The following ADAMTS17 variants were observed in gnomAD, a reference collection of about 807,000 sequenced individuals.
ADAMTS17 encodes the protein A disintegrin and metalloproteinase with thrombospondin motifs 17.
ADAMTS17 carries 113 observed loss-of-function variants against 141.5 expected under a neutral mutation model. The ratio of observed to expected loss-of-function variants is 0.80; its 90% CI spans 0.69 to 0.93. The LOEUF (loss-of-function observed/expected upper bound fraction) is 0.93. Among genes scored for constraint, ADAMTS17 ranks in the 40% least tolerant of loss-of-function variants. The pLI is 0.00. For missense variants in ADAMTS17, 1,659 were observed against 1,517.9 expected (o/e 1.09, Z -1.54); for synonymous variants, 768 against 630.6 (o/e 1.22, Z -3.27).
chr15:100,315,206 C>A (rs1288773678), intron 3 of ADAMTS17, among the ~76,000 whole-genome samples: 1 of 152,204 alleles, frequency 6.6e-6, no homozygotes, highest in African/African-American at 2.4e-5. Flanking sequence ...TCCTCTGCCC[C>A]AGGTATCCAC....
intron 7 of ADAMTS17, among the ~76,000 whole-genome samples, chr15:100,217,470 G>A (rs942558492): frequency 2.6e-5 from 4 of 152,226 alleles, no homozygotes; most frequent in African/African-American, 7.2e-5. Flanking sequence ...GTGGTGGTGG[G>A]TGCCTATATT....
intron 8 of ADAMTS17, among the ~76,000 whole-genome samples, chr15:100,188,170 G>T (rs986057030): frequency 2.0e-5 from 3 of 152,024 alleles, no homozygotes; most frequent in African/African-American, 7.2e-5. Context: ...TCCACCTCCC[G>T]GGTTTAAGGG....
intron 8 of ADAMTS17, among the ~76,000 whole-genome samples, chr15:100,197,396 T>G (rs1018196189): frequency 6.6e-6 from 1 of 152,226 alleles, no homozygotes; most frequent in African/African-American, 2.4e-5. Context: ...AATTGATTCT[T>G]AGGTACTACG....
At chr15:100,073,289 A>G (rs927188458) in intron 15 of ADAMTS17, among the ~76,000 whole-genome samples, 20 of 152,232 alleles carry the variant, frequency 1.3e-4, no homozygotes, top group African/African-American at 4.8e-4. Context: ...ATGTGGAGAA[A>G]TAGGAACACT....
At chr15:100,217,660 G>A (rs1184904919) in intron 7 of ADAMTS17, among the ~76,000 whole-genome samples, 1 of 152,128 alleles carries the variant, frequency 6.6e-6, no homozygotes, top group African/African-American at 2.4e-5. Context: ...GATTTCATAG[G>A]TATGATACCA....
intron 10 of ADAMTS17, among the ~76,000 whole-genome samples, chr15:100,136,257 C>A (rs1042267856): frequency 6.7e-6 from 1 of 148,706 alleles, no homozygotes; most frequent in Non-Finnish European, 1.5e-5. Flanking sequence ...TACAGTTTAA[C>A]AACAATGTTG....
rs1188528322 is a variant in ADAMTS17, at chr15:100,341,295, G to A, written c.194C>T (p.Pro65Leu). The change falls in exon 2 of 22, where the codon CCC (proline) becomes CTC (leucine). Residue 65 changes from proline (P) to leucine (L), a missense_variant. Physicochemically the swap from Pro to Leu is moderately conservative, Grantham distance 98 (BLOSUM62 -3). Transcript: ENST00000268070. ...AAPGPRRRRR[P>L]RTPPAAPRAR... ...GCGCGGGGCGGCTGGGGGCGTGCGG[G>A]GGCGTCGCCGCCGTCGGGGCCCGGG... 23 of 1,106,816 alleles carry A rather than the reference G, an allele frequency of 2.1e-5. No homozygotes were observed. The highest frequency in any genetic ancestry group is 2.4e-5 in the Non-Finnish European group (22 of 911,358). 68.6% of individuals were successfully genotyped at this position (1,106,816 alleles called of 1,614,324 possible).
In ADAMTS17 at chr15:100,152,624, G is replaced by T; in HGVS notation, c.1461C>A (p.Cys487Ter). 1 of 1,613,886 alleles carries T rather than the reference G, an allele frequency of 6.2e-7. No individual in the cohort carries two copies. The highest frequency in any genetic ancestry group is 8.5e-7 in the Non-Finnish European group (1 of 1,180,018). ...QILFGMNATF[C>*]RNMEHLMCAG... ...CACGGCTGCTTACCTCCATGTTTCT[G>T]CAGAAGGTGGCATTCATGCCAAACA... Residue 487 changes from cysteine (C) to a stop codon, truncating the protein, a stop_gained, in exon 10 of 22, where the codon TGC (cysteine) becomes TGA (stop). Transcript: ENST00000268070. LOFTEE classifies it high-confidence loss of function.
At chr15:100,108,053 T>A (rs897306605) in intron 14 of ADAMTS17, among the ~76,000 whole-genome samples, 1 of 151,702 alleles carries the variant, frequency 6.6e-6, no homozygotes, top group Non-Finnish European at 1.5e-5. Flanking sequence ...GAGCATGGAG[T>A]CACCTCTGCT....
In ADAMTS17 at chr15:100,127,705, C is replaced by A. The variant is rs1362759352; in HGVS notation, c.1721+4302G>T. Among the ~76,000 whole-genome samples, 4 of 152,332 alleles carry A rather than the reference C, an allele frequency of 2.6e-5. No individual in the cohort carries two copies. The East Asian group carries it at 7.7e-4, about 29-fold the overall frequency. ...CAAGCGATTCTCCCGCCTCAGCCTCCCAAGTAGCTGGGATTACAGGCATGT... is the reference window on the plus strand; with the variant it reads ...CAAGCGATTCTCCCGCCTCAGCCTCACAAGTAGCTGGGATTACAGGCATGT... On this transcript the variant is annotated intron_variant, in intron 12 of 21. Transcript: ENST00000268070.
intron 18 of ADAMTS17, among the ~76,000 whole-genome samples, chr15:100,013,625 G>C (rs1473062478): frequency 6.6e-6 from 1 of 152,134 alleles, no homozygotes; most frequent in Non-Finnish European, 1.5e-5. Flanking sequence ...TGCTTTCTCT[G>C]CATCTATTGA....
At position 100,182,577 on chromosome 15, in the gene ADAMTS17, C is replaced by G. The variant is rs562768328; in HGVS notation, c.1181+16741G>C. Among the ~76,000 whole-genome samples, 18 of 152,316 alleles carry G rather than the reference C, an allele frequency of 1.2e-4. No individual in the cohort carries two copies. In the South Asian group the frequency reaches 1.5e-3, roughly 12 times the overall value. On this transcript the variant is annotated intron_variant, in intron 8 of 21. Coordinates refer to ENST00000268070, the MANE Select transcript of ADAMTS17 (RefSeq NM_139057.4). ...GGTTGCACTGGCAATTCAAGACTGTCTTTCCTACCGACTTCAATGCCTCCT... is the reference window on the plus strand; with the variant it reads ...GGTTGCACTGGCAATTCAAGACTGTGTTTCCTACCGACTTCAATGCCTCCT...
intron 13 of ADAMTS17, among the ~76,000 whole-genome samples, chr15:100,112,578 G>A (rs1041594872): frequency 1.3e-5 from 2 of 152,138 alleles, no homozygotes; most frequent in Non-Finnish European, 2.9e-5. Context: ...TAAATAACAT[G>A]AGGTGGTGGG....
rs532563731 is a variant in ADAMTS17 at position 100,188,393 on chromosome 15, TAA to T, written c.1181+10923_1181+10924del. 5.2e-3 allele frequency among the ~76,000 whole-genome samples: 739 copies of T among 142,994 alleles called. 8 individuals carry two copies. The highest frequency in any genetic ancestry group is 0.018 in the African/African-American group (697 of 39,364). The allele number at this position is 142,994 out of a possible 152,430, so 93.8% of individuals were successfully genotyped here. A position where few individuals can be genotyped will look rare whatever the true frequency, so the allele number is the denominator to read the frequency against. Reference sequence around the variant, plus strand: ...CGCCCGGCCACGAAGCCCTGTCTCTTAAAAAAAAAAAAACAAGAACACACACA... The same window carrying T: ...CGCCCGGCCACGAAGCCCTGTCTCTTAAAAAAAAAAACAAGAACACACACA... On this transcript the variant is annotated intron_variant, in intron 8 of 21. Transcript: ENST00000268070.
At chr15:100,157,165 C>T (rs1213299638) in intron 8 of ADAMTS17, among the ~76,000 whole-genome samples, 1 of 152,126 alleles carries the variant, frequency 6.6e-6, no homozygotes, top group East Asian at 1.9e-4. Context: ...GAGGAAACCA[C>T]CCTCATGATC....
chr15:100,203,908 AAAG>A (rs1489983297), intron 7 of ADAMTS17, among the ~76,000 whole-genome samples: 83 of 152,088 alleles, frequency 5.5e-4, no homozygotes, highest in African/African-American at 1.9e-3. Context: ...AAAAAAAAAA[AAAG>A]AAGGGGTGTA....
chr15:100,220,391 T>C (rs2042097295), intron 7 of ADAMTS17, among the ~76,000 whole-genome samples: 1 of 152,204 alleles, frequency 6.6e-6, no homozygotes, highest in Non-Finnish European at 1.5e-5. Flanking sequence ...AACGCTTCAC[T>C]GTGAAAATAT....
intron 12 of ADAMTS17, among the ~76,000 whole-genome samples, chr15:100,130,405 T>C (rs550918629): frequency 5.3e-4 from 80 of 151,552 alleles, no homozygotes; most frequent in African/African-American, 1.9e-3. Context: ...ACTAAACACC[T>C]ATGTGCCCCG....
intron 6 of ADAMTS17, among the ~76,000 whole-genome samples, chr15:100,255,617 A>ACACACACACACACACACACAC (rs2043299663): frequency 3.1e-4 from 43 of 140,294 alleles, no homozygotes; most frequent in Non-Finnish European, 5.0e-4. Flanking sequence ...TGTTTTGAGC[A>ACACACACACACACACACACAC]ACACACACAC....
Sources: gnomAD v4.1 joint callset for allele counts (sites outside exome capture counted in the v4.1 genomes callset) on GRCh38, gnomAD v4.1.1 for gene constraint, MANE v1.5 for transcripts, NCBI Gene and HGNC (gene_info 2026-07-23, HGNC 2026-07-21) for gene names.